RUVBL1: variants seen among roughly 807,000 people sequenced by gnomAD.
RUVBL1 encodes ruvB-like 1.
A neutral mutation model predicts 52.4 loss-of-function variants in RUVBL1; 4 were observed. The ratio of observed to expected loss-of-function variants is 0.08; its 90% CI spans 0.04 to 0.17. The LOEUF is 0.17. Ranked by LOEUF, RUVBL1 falls within the 10% of genes least tolerant of loss-of-function variation. RUVBL1 has a pLI of 1.00. For missense variants in RUVBL1, 298 were observed against 572.8 expected (o/e 0.52, Z 4.90); for synonymous variants, 217 against 214.4 (o/e 1.01, Z -0.10).
chr3:128,150,886 T>TATAATATA (rs1944188751), intron 1 of RUVBL1, among the ~76,000 whole-genome samples: 13 of 73,340 alleles, frequency 1.8e-4, no homozygotes, highest in South Asian at 8.3e-4. Context: ...ATTCTATATA[T>TATAATATA]ATATTCTATA....
At chr3:128,078,585 A>G (rs2107666013), downstream of RUVBL1, among the ~76,000 whole-genome samples, 1 of 152,288 alleles carries the variant, frequency 6.6e-6, no homozygotes. Flanking sequence ...ATATTCAACC[A>G]CTTCCGATGA....
intron 1 of RUVBL1, among the ~76,000 whole-genome samples, chr3:128,135,578 A>T (rs184274277): frequency 6.6e-6 from 1 of 152,214 alleles, no homozygotes; most frequent in Non-Finnish European, 1.5e-5. Flanking sequence ...AAAATATTTT[A>T]TACTAGGATA....
chr3:128,081,330 C>T lies in RUVBL1; in HGVS notation c.1291G>A (p.Glu431Lys). ...GKDSIEKEHVEEISELFYDAK... is the reference protein window; with the variant it reads ...GKDSIEKEHVKEISELFYDAK... ...TCATAGAAAAGTTCACTGATCTCTT[C>T]GACATGCTCTTTCTCAATGCTGTCC... The change falls in exon 11 of 11, where the codon GAA (glutamate) becomes AAA (lysine). Residue 431 changes from glutamate (E) to lysine (K), a missense_variant. Around this residue, in one of 5 missense-constraint regions of RUVBL1, gnomAD observed 161 missense variants for 298.3 expected, o/e 0.54. Coordinates refer to ENST00000322623, the MANE Select transcript of RUVBL1 (RefSeq NM_003707.3). This position sits in a 1 kb window ranked among gnomAD's most constrained non-coding sequence, Gnocchi z 4.8. The T allele has an allele frequency of 1.2e-6, 2 of 1,614,220 alleles. No individual in the cohort carries two copies. Among genetic ancestry groups the T allele is most frequent in the Non-Finnish European group, 1.7e-6 (2 of 1,180,034 alleles).
chr3:128,153,612 C>A, exon 1 of RUVBL1: 1 of 1,596,336 alleles, frequency 6.3e-7, no homozygotes. Context: ...CCACCGCCGC[C>A]TTTGACAAGC....
intron 9 of RUVBL1, among the ~76,000 whole-genome samples, chr3:128,065,908 AT>A (rs749114427): frequency 1.8e-4 from 27 of 150,240 alleles, no homozygotes; most frequent in Non-Finnish European, 7.4e-5. Flanking sequence ...CGCCCGGCTA[AT>A]TTTTTTTTAT....
At chr3:128,098,861 A>G in intron 7 of RUVBL1, 21 bp downstream of exon 7, 1 of 1,612,430 alleles carries the variant, frequency 6.2e-7, no homozygotes, top group Non-Finnish European at 8.5e-7. Context: ...CCTTGCTCAC[A>G]GGGCACACTG....
At chr3:128,152,944 G>C (rs1209715942) in intron 1 of RUVBL1, among the ~76,000 whole-genome samples, 1 of 6,472 alleles carries the variant, frequency 1.5e-4, no homozygotes, top group Non-Finnish European at 2.6e-4. Flanking sequence ...CCTCCCCCCC[G>C]CCCCCGTCTT....
At chr3:128,116,297 T>A (rs2107711543) in intron 2 of RUVBL1, among the ~76,000 whole-genome samples, 1 of 152,162 alleles carries the variant, frequency 6.6e-6, no homozygotes, top group South Asian at 2.1e-4. Flanking sequence ...TCCCAGCACT[T>A]TGGGAAGCCA....
At chr3:128,068,099 ACATGTGTTGTTTCTTTC>A in intron 9 of RUVBL1, 1 of 1,540,688 alleles carries the variant, frequency 6.5e-7, no homozygotes, top group African/African-American at 1.4e-5. Flanking sequence ...CCGTCTGTGG[ACATGTGTTGTTTCTTTC>A]CATGCAGGGC....
intron 2 of RUVBL1, among the ~76,000 whole-genome samples, chr3:128,113,490 G>A (rs1279696415): frequency 6.6e-6 from 1 of 152,142 alleles, no homozygotes; most frequent in African/African-American, 2.4e-5. Flanking sequence ...AAAATCCATG[G>A]ATGTTCAAGT....
Position 128,067,296 on chromosome 3 carries a change from G to T in RUVBL1, c.940-2076C>A, listed in dbSNP as rs1942010277. The T allele has an allele frequency of 5.4e-6, 7 of 1,303,078 alleles. No homozygotes were observed. The highest frequency in any genetic ancestry group is 7.5e-6 in the Non-Finnish European group (7 of 935,742). The allele number at this position is 1,303,078 out of a possible 1,614,324, so 80.7% of individuals were successfully genotyped here. A position where few individuals can be genotyped will look rare whatever the true frequency, so the allele number is the denominator to read the frequency against. ...TTCAGCACATTAAATTATCTTTTCA[G>T]TAAAAAAATTGTACTGTGGGCACCG... On this transcript the variant is annotated intron_variant, in intron 9 of 9. Coordinates refer to the RUVBL1 transcript ENST00000464873. The surrounding 1 kb of genome is among the most constrained non-coding windows in gnomAD (Gnocchi z 4.1).
intron 1 of RUVBL1, among the ~76,000 whole-genome samples, chr3:128,146,879 GC>G (rs1559839571): frequency 6.6e-6 from 1 of 152,238 alleles, no homozygotes; most frequent in Non-Finnish European, 1.5e-5. Flanking sequence ...GGCCCCATTT[GC>G]CTGCCACTGT....
At chr3:128,086,707 A>G (rs944781954) in intron 9 of RUVBL1, among the ~76,000 whole-genome samples, 2 of 152,254 alleles carry the variant, frequency 1.3e-5, no homozygotes, top group African/African-American at 2.4e-5. Flanking sequence ...ATAGATGGTG[A>G]TCACATGGAA....
chr3:128,153,669 G>C (rs778113765), exon 1 of RUVBL1: 2 of 1,596,358 alleles, frequency 1.3e-6, no homozygotes, highest in Non-Finnish European at 8.5e-7. Context: ...TGGGCTTCTC[G>C]TGCTTCTCGG....
intron 8 of RUVBL1, among the ~76,000 whole-genome samples, chr3:128,089,522 G>A (rs1427656159): frequency 6.6e-6 from 1 of 152,196 alleles, no homozygotes; most frequent in Non-Finnish European, 1.5e-5. Context: ...TCAAAAACAA[G>A]TAAGCATGCT....
intron 5 of RUVBL1, 39 bp downstream of exon 5, chr3:128,101,520 C>T (rs1285952308): frequency 1.9e-6 from 3 of 1,592,696 alleles, no homozygotes; most frequent in Non-Finnish European, 1.7e-6. Context: ...TCATGGCAAA[C>T]AAATCAGGGA....
At chr3:128,086,833 A>T (rs988466036) in intron 9 of RUVBL1, among the ~76,000 whole-genome samples, 1 of 152,256 alleles carries the variant, frequency 6.6e-6, no homozygotes, top group Admixed American at 6.5e-5. Context: ...TACAGGGACA[A>T]CTGGGACTGT....
At position 128,081,099 on chromosome 3, in the gene RUVBL1, T is replaced by G; in HGVS notation, c.*151A>C. ...AACCACAGGAACAGTTACGATAACTTAAAAAGAAATGCTTTCCACACTGAA... is the reference window on the plus strand; with the variant it reads ...AACCACAGGAACAGTTACGATAACTGAAAAAGAAATGCTTTCCACACTGAA... On this transcript the variant is annotated 3_prime_UTR_variant, in exon 11 of 11. Transcript: ENST00000322623. The surrounding 1 kb of genome is among the most constrained non-coding windows in gnomAD (Gnocchi z 4.8). 1 of 682,864 alleles carries G rather than the reference T, an allele frequency of 1.5e-6. No homozygotes were observed. 42.3% of individuals were successfully genotyped at this position (682,864 alleles called of 1,614,324 possible).
intron 4 of RUVBL1, among the ~76,000 whole-genome samples, chr3:128,102,517 A>G (rs1171653468): frequency 1.3e-5 from 2 of 152,208 alleles, no homozygotes; most frequent in Non-Finnish European, 2.9e-5. Context: ...GCTATGGTGG[A>G]AAAAAAACTT....
Sources: gnomAD v4.1 joint callset for allele counts (sites outside exome capture counted in the v4.1 genomes callset) on GRCh38, gnomAD v4.1.1 for gene constraint, gnomAD v4.1.1 regional missense constraint, Gnocchi (gnomAD v3.1) non-coding constraint, MANE v1.5 for transcripts, NCBI Gene and HGNC (gene_info 2026-07-23, HGNC 2026-07-21) for gene names.